Variants in CCDC85A observed in about 807,000 individuals in gnomAD.
CCDC85A encodes coiled-coil domain containing 85A.
A neutral mutation model predicts 50.2 loss-of-function variants in CCDC85A; 38 were observed. The observed-to-expected ratio is 0.76, with a 90% CI of 0.58 to 0.99. CCDC85A has a LOEUF of 0.99. Among genes scored for constraint, CCDC85A ranks in the 50% least tolerant of loss-of-function variants. The pLI is 0.00. For missense variants in CCDC85A, 820 were observed against 742.0 expected (o/e 1.11, Z -1.22); for synonymous variants, 366 against 301.4 (o/e 1.21, Z -2.22).
At chr2:56,284,539 A>T (rs986877649) in intron 2 of CCDC85A, among the ~76,000 whole-genome samples, 4 of 151,966 alleles carry the variant, frequency 2.6e-5, no homozygotes, top group Non-Finnish European at 4.4e-5. Flanking sequence ...GGCCCAGCTA[A>T]TTTTTCTATT....
At chr2:56,221,420 C>G (rs1173260678) in intron 2 of CCDC85A, among the ~76,000 whole-genome samples, 1 of 151,636 alleles carries the variant, frequency 6.6e-6, no homozygotes, top group Non-Finnish European at 1.5e-5. Flanking sequence ...ACTCATAATA[C>G]TTGCAGCTAG....
At chr2:56,207,289 G>C (rs1676998460) in intron 2 of CCDC85A, among the ~76,000 whole-genome samples, 1 of 152,148 alleles carries the variant, frequency 6.6e-6, no homozygotes. Flanking sequence ...GGAGTGCATA[G>C]GGAAGAGTAG....
At chr2:56,294,753 A>G (rs1011721316) in intron 2 of CCDC85A, among the ~76,000 whole-genome samples, 1 of 152,324 alleles carries the variant, frequency 6.6e-6, no homozygotes, top group Non-Finnish European at 1.5e-5. Context: ...GGGTTGCTGG[A>G]TTGCAGAGGA....
intron 3 of CCDC85A, among the ~76,000 whole-genome samples, chr2:56,353,155 A>G (rs1202539589): frequency 1.3e-5 from 2 of 152,222 alleles, no homozygotes; most frequent in Admixed American, 6.5e-5. Flanking sequence ...TTAGATAGCT[A>G]TTAAATCTAT....
intron 3 of CCDC85A, among the ~76,000 whole-genome samples, chr2:56,355,335 G>C (rs959643493): frequency 1.6e-4 from 24 of 152,208 alleles, no homozygotes; most frequent in Non-Finnish European, 3.2e-4. Context: ...TGTTGGTCAA[G>C]AGACAGTCTG....
intron 2 of CCDC85A, among the ~76,000 whole-genome samples, chr2:56,237,035 T>C (rs1669050579): frequency 6.6e-6 from 1 of 152,186 alleles, no homozygotes; most frequent in African/African-American, 2.4e-5. Context: ...GGTTAACTAA[T>C]CTGTGAAAAA....
intron 2 of CCDC85A, among the ~76,000 whole-genome samples, chr2:56,204,278 A>ATTGTAT (rs1676870359): frequency 6.6e-6 from 1 of 152,204 alleles, no homozygotes; most frequent in Non-Finnish European, 1.5e-5. Flanking sequence ...TACCGATAAC[A>ATTGTAT]TTGTATTCTT....
At chr2:56,352,164 A>G (rs1450825804) in intron 3 of CCDC85A, among the ~76,000 whole-genome samples, 1 of 152,182 alleles carries the variant, frequency 6.6e-6, no homozygotes, top group Non-Finnish European at 1.5e-5. Flanking sequence ...ATAACGCATT[A>G]GTAATTTAAG....
chr2:56,217,388 G>T (rs534352695), intron 2 of CCDC85A, among the ~76,000 whole-genome samples: 1 of 151,958 alleles, frequency 6.6e-6, no homozygotes, highest in South Asian at 2.1e-4. Flanking sequence ...GTGCTTCACA[G>T]TTTGCATTTT....
rs1207288334 is a variant in CCDC85A at position 56,377,834 on chromosome 2, G to A, written c.1572+1899G>A. On this transcript the variant is annotated intron_variant, in intron 5 of 5. Coordinates refer to ENST00000407595, the MANE Select transcript of CCDC85A (RefSeq NM_001080433.2). ...ATCCGGGAGGCAGAGGTTGCAGTGA[G>A]CCGAGATCGTGCCATTGCACTCCAG... is the stretch of plus-strand genomic sequence containing the variant. Among the ~76,000 whole-genome samples the A allele has an allele frequency of 3.3e-5, 5 of 151,296 alleles. No homozygotes were observed. The East Asian group carries it at 7.8e-4, about 24-fold the overall frequency.
intron 2 of CCDC85A, among the ~76,000 whole-genome samples, chr2:56,335,057 G>C (rs1267113185): frequency 2.6e-5 from 4 of 152,156 alleles, no homozygotes; most frequent in Non-Finnish European, 5.9e-5. Flanking sequence ...AAGGCAGTAT[G>C]AATTAAATAT....
At chr2:56,245,778 G>T (rs998363007) in intron 2 of CCDC85A, among the ~76,000 whole-genome samples, 1 of 152,110 alleles carries the variant, frequency 6.6e-6, no homozygotes, top group Non-Finnish European at 1.5e-5. Context: ...GGCTATTAAG[G>T]CCCTTATAAA....
rs776161526 is a variant in CCDC85A at position 56,372,525 on chromosome 2, G to T, written c.1452+47G>T. On this transcript the variant is annotated intron_variant, in intron 4 of 5. Coordinates refer to ENST00000407595, the MANE Select transcript of CCDC85A (RefSeq NM_001080433.2). ...GGATGCATTTGCTTGTGCATAACCA[G>T]ATGACTTCTGTTGCTAGAGAAAAAG... 4.0e-6 allele frequency: 6 copies of T among 1,487,102 alleles called. No homozygotes were observed. The African/African-American group carries it at 8.5e-5, about 21-fold the overall frequency. The allele number at this position is 1,487,102 out of a possible 1,614,324, so 92.1% of individuals were successfully genotyped here.
At chr2:56,322,340 A>G (rs1180609794) in intron 2 of CCDC85A, among the ~76,000 whole-genome samples, 1 of 152,236 alleles carries the variant, frequency 6.6e-6, no homozygotes, top group Non-Finnish European at 1.5e-5. Context: ...AGAAACCACC[A>G]TCAGAGTGAA....
intron 2 of CCDC85A, among the ~76,000 whole-genome samples, chr2:56,264,470 G>A (rs1003512832): frequency 1.3e-5 from 2 of 151,968 alleles, no homozygotes; most frequent in Admixed American, 6.6e-5. Flanking sequence ...CAAACCACCT[G>A]CAAATCCTTT....
chr2:56,334,776 G>A (rs570025822), intron 2 of CCDC85A, among the ~76,000 whole-genome samples: 2 of 152,202 alleles, frequency 1.3e-5, no homozygotes, highest in Admixed American at 6.5e-5. Flanking sequence ...TGACTAGGCA[G>A]AGAAGAATGA....
At position 56,376,815 on chromosome 2, in the gene CCDC85A, A is replaced by G. The variant is rs534638478; in HGVS notation, c.1572+880A>G. Among the ~76,000 whole-genome samples the G allele has an allele frequency of 2.0e-5, 3 of 152,298 alleles. No individual in the cohort carries two copies. The South Asian group carries it at 6.2e-4, about 32-fold the overall frequency. On this transcript the variant is annotated intron_variant, in intron 5 of 5. Transcript: ENST00000407595. ...CTTTGATCAAACCTTTCTGACCCAT[A>G]AAACAGGTAGAGTGCTTCCGATCTG...
At chr2:56,281,665 A>G (rs1671213457) in intron 2 of CCDC85A, among the ~76,000 whole-genome samples, 1 of 152,150 alleles carries the variant, frequency 6.6e-6, no homozygotes, top group African/African-American at 2.4e-5. Flanking sequence ...CATTTCTCTG[A>G]TGAATAATGA....
chr2:56,340,204 T>G (rs1188712568), intron 2 of CCDC85A, among the ~76,000 whole-genome samples: 1 of 152,272 alleles, frequency 6.6e-6, no homozygotes, highest in African/African-American at 2.4e-5. Context: ...TTTTAGAAAA[T>G]AAAGTGTTAG....
Sources: allele counts gnomAD v4.1 joint callset (sites outside exome capture counted in the v4.1 genomes callset), GRCh38; gene constraint gnomAD v4.1.1; transcripts MANE v1.5; gene names NCBI Gene and HGNC (gene_info 2026-07-23, HGNC 2026-07-21).